ZNF516: variants seen among roughly 807,000 people sequenced by gnomAD.
The protein encoded by ZNF516 is zinc finger protein 516.
Under a neutral mutation model 79.7 loss-of-function variants are expected in ZNF516, and 19 were observed. The ratio of observed to expected loss-of-function variants is 0.24; its 90% CI spans 0.17 to 0.35. The LOEUF is 0.35. Ranked by LOEUF, ZNF516 falls within the 10% of genes least tolerant of loss-of-function variation. ZNF516 has a pLI of 1.00. For missense variants in ZNF516, 1,678 were observed against 1,679.5 expected (o/e 1.00, Z 0.02); for synonymous variants, 877 against 739.5 (o/e 1.19, Z -3.02).
chr18:76,479,828 C>T (rs1204651215), intron 1 of ZNF516, among the ~76,000 whole-genome samples: 1 of 152,190 alleles, frequency 6.6e-6, no homozygotes, highest in African/African-American at 2.4e-5. Flanking sequence ...CCCTCCACAC[C>T]CAGGACCCTG....
intron 3 of ZNF516, among the ~76,000 whole-genome samples, chr18:76,425,958 G>A (rs1468559742): frequency 6.6e-6 from 1 of 152,226 alleles, no homozygotes; most frequent in Non-Finnish European, 1.5e-5. Context: ...CGCGGCACAG[G>A]GAATTTCAGA....
intron 2 of ZNF516, among the ~76,000 whole-genome samples, chr18:76,456,396 T>C (rs111869200): frequency 0.014 from 2,190 of 152,326 alleles, 23 homozygotes; most frequent in Middle Eastern, 0.048. Flanking sequence ...TATCCATCAA[T>C]AACTAAGGAG....
At chr18:76,404,526 ATG>A (rs201078162) in intron 3 of ZNF516, among the ~76,000 whole-genome samples, 3,299 of 151,716 alleles carry the variant, frequency 0.022, 91 homozygotes, top group African/African-American at 0.071. Context: ...TGCACAAGTA[ATG>A]TGTGTGAACA....
In ZNF516 at chr18:76,370,602, G is replaced by A. The variant is rs765227849; in HGVS notation, c.3365-7C>T. Reference sequence around the variant, plus strand: ...CCATCGGACTCAAACACCACTGTGGGAACAAGGGGTTTGTTAACAGATCAG... The same window carrying A: ...CCATCGGACTCAAACACCACTGTGGAAACAAGGGGTTTGTTAACAGATCAG... On this transcript the variant is annotated splice_region_variant and splice_polypyrimidine_tract_variant and intron_variant, in intron 5 of 6. Coordinates refer to ENST00000443185, the MANE Select transcript of ZNF516 (RefSeq NM_014643.4). The A allele has an allele frequency of 3.1e-6, 5 of 1,594,760 alleles. No individual in the cohort carries two copies. The South Asian group carries it at 5.7e-5, about 18-fold the overall frequency.
At chr18:76,452,749 C>G (rs1003540002) in intron 2 of ZNF516, among the ~76,000 whole-genome samples, 1 of 152,326 alleles carries the variant, frequency 6.6e-6, no homozygotes, top group South Asian at 2.1e-4. Flanking sequence ...CAGTATGAAG[C>G]TGCCCGTGTG....
At chr18:76,487,260 T>C (rs1183813006) in intron 1 of ZNF516, among the ~76,000 whole-genome samples, 1 of 152,190 alleles carries the variant, frequency 6.6e-6, no homozygotes, top group East Asian at 1.9e-4. Context: ...AAAGAGAAGC[T>C]TCAGCTGTTC....
chr18:76,415,159 T>C (rs1191287349), intron 3 of ZNF516, among the ~76,000 whole-genome samples: 4 of 151,694 alleles, frequency 2.6e-5, no homozygotes, highest in Non-Finnish European at 5.9e-5. Context: ...GATCGCCCCA[T>C]TGCACTCCAG....
Position 76,380,249 on chromosome 18 carries a change from G to C in ZNF516, c.1865C>G (p.Ser622Cys). 1 of 1,613,924 alleles carries C rather than the reference G, an allele frequency of 6.2e-7. No homozygotes were observed. Among genetic ancestry groups the C allele is most frequent in the South Asian group, 1.1e-5 (1 of 91,072 alleles). The change falls in exon 4 of 7, where the codon TCC becomes TGC. Residue 622 changes from serine to cysteine, a missense_variant. Around this residue, in one of 5 missense-constraint regions of ZNF516, gnomAD observed 1,294 missense variants for 1,248.3 expected, o/e 1.04. Coordinates refer to ENST00000443185, the MANE Select transcript of ZNF516 (RefSeq NM_014643.4). ...CATCTTGTGACTCTGGTCTCCACTGGAGAGCTCGGTCGAAGTCACCTCTTC... is the reference window on the plus strand; with the variant it reads ...CATCTTGTGACTCTGGTCTCCACTGCAGAGCTCGGTCGAAGTCACCTCTTC... ...FSEEVTSTEL[S>C]SGDQSHKMGD...
At chr18:76,463,781 C>T (rs867263948) in intron 1 of ZNF516, among the ~76,000 whole-genome samples, 33 of 152,230 alleles carry the variant, frequency 2.2e-4, no homozygotes, top group Admixed American at 1.0e-3. Context: ...ACAGCTCTCA[C>T]TAGACTTGAA....
intron 3 of ZNF516, among the ~76,000 whole-genome samples, chr18:76,410,471 T>C (rs2075361185): frequency 1.3e-5 from 2 of 152,180 alleles, no homozygotes; most frequent in South Asian, 4.1e-4. Flanking sequence ...GAGGAGGCCT[T>C]GCCTCGAACA....
intron 3 of ZNF516, among the ~76,000 whole-genome samples, chr18:76,425,813 C>G (rs1416549429): frequency 6.6e-6 from 1 of 152,146 alleles, no homozygotes; most frequent in Admixed American, 6.5e-5. Flanking sequence ...CACGAGGGGT[C>G]GAGGTCCAGG....
At chr18:76,407,925 C>T (rs188570028) in intron 3 of ZNF516, among the ~76,000 whole-genome samples, 72 of 152,336 alleles carry the variant, frequency 4.7e-4, no homozygotes, top group African/African-American at 1.7e-3. Flanking sequence ...TGAGGGTCCC[C>T]GGTCCACAGG....
chr18:76,483,560 G>A (rs954096640), intron 1 of ZNF516, among the ~76,000 whole-genome samples: 4 of 152,068 alleles, frequency 2.6e-5, no homozygotes, highest in South Asian at 2.1e-4. Flanking sequence ...AATGTCCCCC[G>A]TCAGCTGGCC....
intron 3 of ZNF516, among the ~76,000 whole-genome samples, chr18:76,414,622 C>A (rs758310359): frequency 6.6e-6 from 1 of 152,194 alleles, no homozygotes; most frequent in Non-Finnish European, 1.5e-5. Context: ...AGAAGGTTAC[C>A]TACTTCATTA....
intron 3 of ZNF516, among the ~76,000 whole-genome samples, chr18:76,414,789 G>GA (rs1258207510): frequency 6.6e-6 from 1 of 152,270 alleles, no homozygotes; most frequent in Non-Finnish European, 1.5e-5. Flanking sequence ...AACACATAGA[G>GA]AATCTGGCTT....
intron 2 of ZNF516, among the ~76,000 whole-genome samples, chr18:76,447,787 A>G (rs144931651): frequency 2.0e-5 from 3 of 152,348 alleles, no homozygotes; most frequent in Non-Finnish European, 4.4e-5. Context: ...AACTGGGAAC[A>G]TGCCAGACAA....
At chr18:76,373,717 G>GCA (rs142520797) in intron 4 of ZNF516, among the ~76,000 whole-genome samples, 2,730 of 152,168 alleles carry the variant, frequency 0.018, 76 homozygotes, top group African/African-American at 0.063. Context: ...GAGCACGCGT[G>GCA]CACACACACA....
intron 3 of ZNF516, among the ~76,000 whole-genome samples, chr18:76,406,913 C>T (rs749944378): frequency 2.6e-5 from 4 of 152,090 alleles, no homozygotes; most frequent in Non-Finnish European, 5.9e-5. Flanking sequence ...CTCAGTGTCC[C>T]CTGCCAGGCC....
intron 2 of ZNF516, among the ~76,000 whole-genome samples, chr18:76,443,973 C>T (rs1212460242): frequency 6.6e-6 from 1 of 152,218 alleles, no homozygotes; most frequent in Non-Finnish European, 1.5e-5. Flanking sequence ...CCACTCCCTC[C>T]AGGCACACAG....
Sources: allele counts gnomAD v4.1 joint callset (sites outside exome capture counted in the v4.1 genomes callset), GRCh38; gene constraint gnomAD v4.1.1; regional missense constraint gnomAD v4.1.1; transcripts MANE v1.5; gene names NCBI Gene and HGNC (gene_info 2026-07-23, HGNC 2026-07-21).